The following ROBO2 variants were observed in gnomAD, a reference collection of about 807,000 sequenced individuals.
The protein encoded by ROBO2 is roundabout guidance receptor 2, also known as roundabout homolog 2.
Under a neutral mutation model 160.8 loss-of-function variants are expected in ROBO2, and 53 were observed. That is an observed-to-expected ratio of 0.33 (90% confidence interval 0.26 to 0.41). The LOEUF is 0.41. Among genes scored for constraint, ROBO2 ranks in the 10% least tolerant of loss-of-function variants. The pLI is 1.00. For missense variants in ROBO2, 1,577 were observed against 1,722.4 expected (o/e 0.92, Z 1.49); for synonymous variants, 664 against 611.7 (o/e 1.09, Z -1.26).
chr3:76,347,656 C>T (rs867549105), intron 2 of ROBO2, among the ~76,000 whole-genome samples: 2 of 151,846 alleles, frequency 1.3e-5, no homozygotes, highest in East Asian at 3.9e-4. Context: ...AAAGATGATT[C>T]AGCAACCCAG....
At chr3:76,765,681 G>A (rs1177842317) in intron 2 of ROBO2, among the ~76,000 whole-genome samples, 1 of 151,666 alleles carries the variant, frequency 6.6e-6, no homozygotes. Context: ...CCAAGAGCCA[G>A]TATGTGCTGC....
chr3:77,289,047 T>A (rs1486220458), intron 2 of ROBO2, among the ~76,000 whole-genome samples: 3 of 152,202 alleles, frequency 2.0e-5, no homozygotes, highest in Non-Finnish European at 2.9e-5. Flanking sequence ...GTTCCTGTTG[T>A]GAGTGGGACT....
chr3:76,856,219 A>G (rs2070056994), intron 2 of ROBO2, among the ~76,000 whole-genome samples: 1 of 152,264 alleles, frequency 6.6e-6, no homozygotes, highest in Non-Finnish European at 1.5e-5. Context: ...CAAAGGAGTC[A>G]CAGCAGCAAA....
chr3:76,954,598 A>G (rs1187061292), intron 2 of ROBO2, among the ~76,000 whole-genome samples: 1 of 152,228 alleles, frequency 6.6e-6, no homozygotes, highest in African/African-American at 2.4e-5. Context: ...TAAAAGCATG[A>G]TGAAAATAAA....
chr3:77,376,930 AT>A (rs2072765041), intron 2 of ROBO2, among the ~76,000 whole-genome samples: 1 of 152,238 alleles, frequency 6.6e-6, no homozygotes, highest in Non-Finnish European at 1.5e-5. Flanking sequence ...TTTTCTGAAA[AT>A]AATCATGCTA....
At chr3:75,981,505 G>T (rs1213463321) in intron 2 of ROBO2, among the ~76,000 whole-genome samples, 1 of 150,780 alleles carries the variant, frequency 6.6e-6, no homozygotes, top group Non-Finnish European at 1.5e-5. Flanking sequence ...GAGAGATGTG[G>T]GTTGCAGTTT....
intron 2 of ROBO2, among the ~76,000 whole-genome samples, chr3:76,685,635 G>C (rs1489620652): frequency 1.3e-5 from 2 of 151,830 alleles, no homozygotes; most frequent in Non-Finnish European, 2.9e-5. Flanking sequence ...TAAAGTTTTG[G>C]TATCCATTTG....
intron 2 of ROBO2, among the ~76,000 whole-genome samples, chr3:76,985,597 A>T (rs2060334113): frequency 6.6e-6 from 1 of 150,646 alleles, no homozygotes; most frequent in Admixed American, 6.6e-5. Flanking sequence ...AAAAAAAAAA[A>T]AAAAAAAAGA....
chr3:76,174,911 T>G (rs2073172066), intron 2 of ROBO2, among the ~76,000 whole-genome samples: 1 of 152,160 alleles, frequency 6.6e-6, no homozygotes, highest in Admixed American at 6.5e-5. Flanking sequence ...AATTCAATAG[T>G]AGCTTGATGG....
intron 2 of ROBO2, among the ~76,000 whole-genome samples, chr3:76,394,582 T>C (rs921178628): frequency 6.6e-6 from 1 of 152,080 alleles, no homozygotes; most frequent in Admixed American, 6.6e-5. Context: ...CTTTAATGAA[T>C]CTGACAATTA....
At chr3:77,547,741 C>T (rs1005885864) in intron 7 of ROBO2, among the ~76,000 whole-genome samples, 32 of 151,972 alleles carry the variant, frequency 2.1e-4, no homozygotes, top group Admixed American at 2.6e-4. Flanking sequence ...AACGTAGTGA[C>T]GGGAATGTAA....
At chr3:76,250,833 C>G (rs534618308) in intron 2 of ROBO2, among the ~76,000 whole-genome samples, 1 of 151,848 alleles carries the variant, frequency 6.6e-6, no homozygotes, top group African/African-American at 2.4e-5. Flanking sequence ...GCATATTCCC[C>G]GAATCAAAGT....
rs72892639 is a variant in ROBO2 at position 76,057,656 on chromosome 3, C to T, written c.109+120054C>T. Reference sequence around the variant, plus strand: ...TAGAACAGATTTATAGAGCTGGAACCGTATTATACAGAGCTGTAGATCACT... The same window carrying T: ...TAGAACAGATTTATAGAGCTGGAACTGTATTATACAGAGCTGTAGATCACT... On this transcript the variant is annotated intron_variant, in intron 2 of 26. Coordinates refer to the ROBO2 transcript ENST00000487694. Among the ~76,000 whole-genome samples the T allele has an allele frequency of 5.7e-4, 87 of 152,066 alleles. 1 individual carries two copies. The highest frequency in any genetic ancestry group is 1.9e-3 in the African/African-American group (80 of 41,464).
chr3:77,241,239 C>T (rs574662388), intron 2 of ROBO2, among the ~76,000 whole-genome samples: 1 of 152,268 alleles, frequency 6.6e-6, no homozygotes, highest in East Asian at 1.9e-4. Flanking sequence ...TCAAAAGCTG[C>T]ATGACAGGAA....
rs544878177 is a variant in ROBO2, at chr3:77,052,460, C to T, written c.61+11614C>T. On this transcript the variant is annotated intron_variant, in intron 1 of 25. Transcript: ENST00000461745. The stretch of plus-strand genomic sequence containing the variant: ...AGCATCAGTCAGCTGCCTTTGAGAT[C>T]GAGTGATTAATACCTTCTGTTTTGA... Among the ~76,000 whole-genome samples, 99 of 152,152 alleles carry T rather than the reference C, an allele frequency of 6.5e-4. 1 individual carries two copies. Among genetic ancestry groups the T allele is most frequent in the Middle Eastern group, 3.4e-3 (1 of 292 alleles).
At chr3:76,787,246 C>A (rs1290478592) in intron 2 of ROBO2, among the ~76,000 whole-genome samples, 1 of 150,970 alleles carries the variant, frequency 6.6e-6, no homozygotes, top group Non-Finnish European at 1.5e-5. Context: ...TACTTATGGA[C>A]AGTAAAATCT....
intron 2 of ROBO2, among the ~76,000 whole-genome samples, chr3:77,430,927 A>C (rs988686184): frequency 2.6e-5 from 4 of 152,206 alleles, no homozygotes; most frequent in Non-Finnish European, 5.9e-5. Flanking sequence ...CTGCATCTGC[A>C]GTCTAGCCAT....
chr3:76,696,624 A>G (rs1387516199), intron 2 of ROBO2, among the ~76,000 whole-genome samples: 2 of 152,118 alleles, frequency 1.3e-5, no homozygotes, highest in African/African-American at 4.8e-5. Flanking sequence ...TAAACTTGTC[A>G]CTCTGTATCT....
intron 2 of ROBO2, among the ~76,000 whole-genome samples, chr3:76,526,311 T>G (rs1390319945): frequency 6.6e-6 from 1 of 152,060 alleles, no homozygotes; most frequent in Non-Finnish European, 1.5e-5. Context: ...TGTTTTCTTT[T>G]GTTCTCAGCA....
Sources: gnomAD v4.1 joint callset for allele counts (sites outside exome capture counted in the v4.1 genomes callset) on GRCh38, gnomAD v4.1.1 for gene constraint, MANE v1.5 for transcripts, NCBI Gene and HGNC (gene_info 2026-07-23, HGNC 2026-07-21) for gene names.